CHST11: variants seen among roughly 807,000 people sequenced by gnomAD.
The protein encoded by CHST11 is carbohydrate sulfotransferase 11, also known as C4S-1.
A neutral mutation model predicts 30.4 loss-of-function variants in CHST11; 9 were observed. The ratio of observed to expected loss-of-function variants is 0.30; its 90% confidence interval spans 0.18 to 0.52. The LOEUF (loss-of-function observed/expected upper bound fraction) is 0.52, where lower values mean the gene tolerates loss of function less well. Ranked by LOEUF, CHST11 falls within the 20% of genes least tolerant of loss-of-function variation. The pLI is 0.97. For synonymous variants in CHST11, 152 were observed against 187.8 expected (o/e 0.81, Z 1.56); for missense variants, 348 against 460.6 (o/e 0.76, Z 2.24).
chr12:104,638,817 T>C (rs1253829639), intron 2 of CHST11, among the ~76,000 whole-genome samples: 1 of 152,204 alleles, frequency 6.6e-6, no homozygotes, highest in East Asian at 1.9e-4. Flanking sequence ...GGTATAACTT[T>C]AGTTTTCAGC....
In CHST11 at chr12:104,729,193, G is replaced by A. The variant is rs1266026891; in HGVS notation, c.205-27756G>A. Among the ~76,000 whole-genome samples the A allele has an allele frequency of 6.6e-6, 1 of 152,112 alleles. No homozygotes were observed. The highest frequency in any genetic ancestry group is 2.4e-5 in the African/African-American group (1 of 41,418). On this transcript the variant is annotated intron_variant, in intron 2 of 2. Transcript: ENST00000303694. This position sits in a 1 kb window ranked among gnomAD's most constrained non-coding sequence, Gnocchi z 4.0. ...GATGAGCTGACAGAAGCAGACACAT[G>A]GCCAGAATGACCAACAGACTAGGGG... is the stretch of plus-strand genomic sequence containing the variant.
At chr12:104,656,790 A>G (rs1236932841) in intron 2 of CHST11, among the ~76,000 whole-genome samples, 1 of 152,160 alleles carries the variant, frequency 6.6e-6, no homozygotes, top group African/African-American at 2.4e-5. Context: ...AGGAGAAAGG[A>G]AGACCAAATC....
chr12:104,519,105 T>TGTGTGTGTGTGTGTG (rs1565972437), intron 1 of CHST11, among the ~76,000 whole-genome samples: 6 of 151,290 alleles, frequency 4.0e-5, no homozygotes, highest in East Asian at 1.9e-4. Flanking sequence ...TGTGTGTGTG[T>TGTGTGTGTGTGTGTG]TTCTTTCTCC....
chr12:104,712,274 G>A (rs2040094275), intron 2 of CHST11, among the ~76,000 whole-genome samples: 1 of 152,162 alleles, frequency 6.6e-6, no homozygotes, highest in Non-Finnish European at 1.5e-5. Flanking sequence ...AGCCAACTGA[G>A]GGGTGAAACT....
chr12:104,544,705 T>TAAA (rs755404934), intron 1 of CHST11, among the ~76,000 whole-genome samples: 33 of 93,170 alleles, frequency 3.5e-4, no homozygotes, highest in Non-Finnish European at 4.1e-4. Context: ...AGACTTGGTC[T>TAAA]AAAAAAAAAA....
In CHST11 at chr12:104,761,053, T is replaced by C. The variant is rs986989478; in HGVS notation, c.*3250T>C. The C allele has an allele frequency of 6.6e-6, 1 of 152,278 alleles. No individual in the cohort carries two copies. Among genetic ancestry groups the C allele is most frequent in the African/African-American group, 2.4e-5 (1 of 41,466 alleles). The allele number at this position is 152,278 out of a possible 1,614,324, so 9.4% of individuals were successfully genotyped here. ...AGGGCAGTATTTGCAAGGACATTCC[T>C]GCTTACTTTATCCCTTTGGTTGGAA... On this transcript the variant is annotated 3_prime_UTR_variant, in exon 3 of 3. Transcript: ENST00000303694.
chr12:104,547,225 A>G (rs948934634), intron 1 of CHST11, among the ~76,000 whole-genome samples: 6 of 152,200 alleles, frequency 3.9e-5, no homozygotes, highest in African/African-American at 1.4e-4. Flanking sequence ...ATGCAGCCCC[A>G]GAAAGGGAGG....
chr12:104,559,575 T>G (rs2038492577), intron 1 of CHST11, among the ~76,000 whole-genome samples: 1 of 151,996 alleles, frequency 6.6e-6, no homozygotes, highest in African/African-American at 2.4e-5. Flanking sequence ...AAACCCCCTC[T>G]CTACTAAAAA....
At chr12:104,727,440 T>C (rs1222276466) in intron 2 of CHST11, among the ~76,000 whole-genome samples, 1 of 152,214 alleles carries the variant, frequency 6.6e-6, no homozygotes, top group Non-Finnish European at 1.5e-5. Flanking sequence ...GCACAGACTG[T>C]GGCTATGGGG....
chr12:104,722,155 A>AGTGTGTGTGTGTGT (rs57545833), intron 2 of CHST11, among the ~76,000 whole-genome samples: 4,965 of 137,520 alleles, frequency 0.036, 298 homozygotes, highest in African/African-American at 0.1. Flanking sequence ...CACTCAGCTA[A>AGTGTGTGTGTGTGT]GTGTGTGTGT....
chr12:104,492,886 A>C (rs1160487222), intron 1 of CHST11, among the ~76,000 whole-genome samples: 1 of 152,140 alleles, frequency 6.6e-6, no homozygotes, highest in African/African-American at 2.4e-5. Context: ...TACAAAAATT[A>C]GCCGGGTATG....
intron 2 of CHST11, among the ~76,000 whole-genome samples, chr12:104,655,901 T>C (rs564027412): frequency 6.6e-6 from 1 of 152,314 alleles, no homozygotes; most frequent in South Asian, 2.1e-4. Flanking sequence ...GGAGTTACTC[T>C]TTTAAGTCAG....
intron 2 of CHST11, among the ~76,000 whole-genome samples, chr12:104,733,518 T>G (rs2040273680): frequency 6.6e-6 from 1 of 152,198 alleles, no homozygotes; most frequent in South Asian, 2.1e-4. Flanking sequence ...CAGCCAACAC[T>G]TTGACACACA....
At chr12:104,525,629 G>A (rs1399626951) in intron 1 of CHST11, among the ~76,000 whole-genome samples, 1 of 152,200 alleles carries the variant, frequency 6.6e-6, no homozygotes, top group African/African-American at 2.4e-5. Flanking sequence ...GTATTAGAAT[G>A]AAGCGAGAGT....
intron 2 of CHST11, among the ~76,000 whole-genome samples, chr12:104,702,674 T>C (rs2039999109): frequency 6.6e-6 from 1 of 152,136 alleles, no homozygotes; most frequent in Non-Finnish European, 1.5e-5. Context: ...CATCTCTCCC[T>C]CCCCATTCTC....
intron 1 of CHST11, among the ~76,000 whole-genome samples, chr12:104,566,107 A>C (rs1383027601): frequency 6.6e-6 from 1 of 152,214 alleles, no homozygotes; most frequent in African/African-American, 2.4e-5. Flanking sequence ...CATGCAAAAA[A>C]CAAGGGCTTG....
chr12:104,723,484 A>G (rs549000486), intron 2 of CHST11, among the ~76,000 whole-genome samples: 10 of 152,120 alleles, frequency 6.6e-5, no homozygotes, highest in Non-Finnish European at 1.5e-4. Context: ...CTTTCCCGAC[A>G]CTCACTCCGA....
intron 1 of CHST11, among the ~76,000 whole-genome samples, chr12:104,500,824 G>A (rs1200052413): frequency 2.0e-5 from 3 of 152,202 alleles, no homozygotes; most frequent in Non-Finnish European, 2.9e-5. Context: ...AAATAAGAAC[G>A]GAGTAGTGGA....
intron 1 of CHST11, among the ~76,000 whole-genome samples, chr12:104,586,665 C>A (rs1042804226): frequency 3.9e-5 from 6 of 152,246 alleles, no homozygotes; most frequent in Non-Finnish European, 7.3e-5. Context: ...GAAGAAAGCA[C>A]TTCGGCATGT....
Sources: gnomAD v4.1 joint callset for allele counts (sites outside exome capture counted in the v4.1 genomes callset) on GRCh38, gnomAD v4.1.1 for gene constraint, Gnocchi (gnomAD v3.1) non-coding constraint, MANE v1.5 for transcripts, NCBI Gene and HGNC (gene_info 2026-07-23, HGNC 2026-07-21) for gene names.